PRICKLE2: variants seen among roughly 807,000 people sequenced by gnomAD.
PRICKLE2 encodes the protein prickle planar cell polarity protein 2.
A neutral mutation model predicts 81.4 loss-of-function variants in PRICKLE2; 21 were observed. That is an observed-to-expected ratio of 0.26 (90% CI 0.18 to 0.37). The LOEUF (loss-of-function observed/expected upper bound fraction) is 0.37, where lower values mean the gene tolerates loss of function less well. Ranked by LOEUF, PRICKLE2 falls within the 10% of genes least tolerant of loss-of-function variation. The probability of loss-of-function intolerance (pLI) is 1.00; values close to 1 mark genes in which losing one functional copy is unlikely to be tolerated. For missense variants in PRICKLE2, 940 were observed against 1,109.0 expected (o/e 0.85, Z 2.16); for synonymous variants, 456 against 421.5 (o/e 1.08, Z -1.00).
At chr3:64,205,551 A>G (rs770582228) in intron 1 of PRICKLE2, among the ~76,000 whole-genome samples, 2 of 152,154 alleles carry the variant, frequency 1.3e-5, no homozygotes, top group Non-Finnish European at 2.9e-5. Context: ...GGTTATTTAC[A>G]ACACCGAACC....
At chr3:64,165,384 T>A (rs1171927700) in intron 2 of PRICKLE2, among the ~76,000 whole-genome samples, 1 of 152,216 alleles carries the variant, frequency 6.6e-6, no homozygotes, top group Non-Finnish European at 1.5e-5. Flanking sequence ...TATGTGGCTG[T>A]TCAAAATACT....
In PRICKLE2 at chr3:64,224,988, T is replaced by C. The variant is rs1220171978; in HGVS notation, c.-119A>G. 3.8e-5 allele frequency: 37 copies of C among 985,302 alleles called. No homozygotes were observed. The highest frequency in any genetic ancestry group is 1.2e-6 in the Non-Finnish European group (1 of 830,008). The allele number at this position is 985,302 out of a possible 1,614,324, so 61.0% of individuals were successfully genotyped here. A position where few individuals can be genotyped will look rare whatever the true frequency, so the allele number is the denominator to read the frequency against. ...GAGCTTGTCAATTGTCCCAGTTCAC[T>C]TTCTCCCTGGATCTGACTTCTAAGA... is the stretch of plus-strand genomic sequence containing the variant. On this transcript the variant is annotated 5_prime_UTR_variant, in exon 1 of 8. Transcript: ENST00000638394.
intron 7 of PRICKLE2, among the ~76,000 whole-genome samples, chr3:64,142,744 T>A (rs1006655001): frequency 8.5e-5 from 13 of 152,184 alleles, no homozygotes; most frequent in African/African-American, 3.1e-4. Flanking sequence ...TAATAAAAAG[T>A]CGCAGGTAAC....
At chr3:64,112,433 T>G (rs2076863753) in intron 7 of PRICKLE2, among the ~76,000 whole-genome samples, 1 of 152,162 alleles carries the variant, frequency 6.6e-6, no homozygotes, top group African/African-American at 2.4e-5. Flanking sequence ...CATGACCTCA[T>G]GTACAACAGA....
intron 7 of PRICKLE2, among the ~76,000 whole-genome samples, chr3:64,126,368 C>T (rs926776904): frequency 5.9e-5 from 9 of 152,172 alleles, no homozygotes; most frequent in Non-Finnish European, 1.3e-4. Context: ...TGAGAAACCA[C>T]GGCAGGTAGT....
At chr3:64,190,004 G>T (rs1225451737) in intron 2 of PRICKLE2, among the ~76,000 whole-genome samples, 1 of 152,134 alleles carries the variant, frequency 6.6e-6, no homozygotes. Context: ...AGCACTGCAT[G>T]GGCTCCATTC....
intron 7 of PRICKLE2, among the ~76,000 whole-genome samples, chr3:64,109,638 C>A (rs75848643): frequency 0.049 from 7,493 of 152,278 alleles, 257 homozygotes; most frequent in Non-Finnish European, 0.068. Context: ...CACACTCCCA[C>A]CCCCAGGCTT....
At chr3:64,166,791 G>C (rs67544611) in intron 2 of PRICKLE2, among the ~76,000 whole-genome samples, 1 of 152,050 alleles carries the variant, frequency 6.6e-6, no homozygotes, top group African/African-American at 2.4e-5. Flanking sequence ...TCTGAGGAAG[G>C]AGAATGATTT....
chr3:64,226,104 A>G (rs963417755), upstream of PRICKLE2, among the ~76,000 whole-genome samples: 2 of 152,138 alleles, frequency 1.3e-5, no homozygotes, highest in African/African-American at 4.8e-5. Flanking sequence ...AAACCTTCCC[A>G]GGGCATCTGA....
chr3:64,148,874 C>A (rs573207263), intron 6 of PRICKLE2, among the ~76,000 whole-genome samples: 19 of 152,318 alleles, frequency 1.2e-4, no homozygotes, highest in African/African-American at 4.3e-4. Flanking sequence ...ATTTCTGTTA[C>A]TCAGAGGCCA....
Position 64,094,736 on chromosome 3 carries a change from G to A in PRICKLE2, c.*4315C>T, listed in dbSNP as rs1466578683. 1.3e-5 allele frequency: 2 copies of A among 152,658 alleles called. No homozygotes were observed. Among genetic ancestry groups the A allele is most frequent in the Non-Finnish European group, 2.9e-5 (2 of 68,044 alleles). 9.5% of individuals were successfully genotyped at this position (152,658 alleles called of 1,614,324 possible). A position where few individuals can be genotyped will look rare whatever the true frequency, so the allele number is the denominator to read the frequency against. On this transcript the variant is annotated 3_prime_UTR_variant, in exon 8 of 8. Transcript: ENST00000638394. ...CTCTGGTATCTGCTGAGGCACCAGA[G>A]GGACAAACCACTGGAGACAAGGCAA...
intron 1 of PRICKLE2, among the ~76,000 whole-genome samples, chr3:64,216,052 C>G (rs1287451829): frequency 6.6e-6 from 1 of 152,264 alleles, no homozygotes; most frequent in Non-Finnish European, 1.5e-5. Flanking sequence ...AGGTAACTCT[C>G]TCCTTCTAGC....
intron 2 of PRICKLE2, among the ~76,000 whole-genome samples, chr3:64,249,528 A>G (rs1290152059): frequency 6.6e-6 from 1 of 152,196 alleles, no homozygotes; most frequent in East Asian, 1.9e-4. Flanking sequence ...GCTCAGTACA[A>G]AAGATTAATA....
intron 7 of PRICKLE2, among the ~76,000 whole-genome samples, chr3:64,117,609 A>C (rs566826284): frequency 1.3e-5 from 2 of 152,326 alleles, no homozygotes; most frequent in African/African-American, 4.8e-5. Context: ...CAATTGCCAC[A>C]AAAAGAATAC....
intron 7 of PRICKLE2, among the ~76,000 whole-genome samples, chr3:64,141,382 T>G (rs2077359204): frequency 6.6e-6 from 1 of 152,210 alleles, no homozygotes; most frequent in South Asian, 2.1e-4. Context: ...CTCATAGGGT[T>G]GTTGTGAGGA....
chr3:64,202,869 C>G (rs1283148391), intron 1 of PRICKLE2, among the ~76,000 whole-genome samples: 1 of 152,116 alleles, frequency 6.6e-6, no homozygotes, highest in Non-Finnish European at 1.5e-5. Context: ...AAGCACCAGT[C>G]TTTCAGCATT....
chr3:64,238,800 C>G (rs187165959), intron 2 of PRICKLE2, among the ~76,000 whole-genome samples: 3 of 152,252 alleles, frequency 2.0e-5, no homozygotes, highest in Admixed American at 2.0e-4. Flanking sequence ...GGTAAAATTG[C>G]CAAACATACA....
chr3:64,253,294 A>G (rs2079476549), intron 2 of PRICKLE2, among the ~76,000 whole-genome samples: 1 of 152,206 alleles, frequency 6.6e-6, no homozygotes, highest in Admixed American at 6.5e-5. Flanking sequence ...TCCATTCTAC[A>G]TCATATAACT....
intron 7 of PRICKLE2, among the ~76,000 whole-genome samples, chr3:64,127,777 G>A (rs2077133013): frequency 6.6e-6 from 1 of 151,624 alleles, no homozygotes; most frequent in Non-Finnish European, 1.5e-5. Context: ...GCTAGGCCCC[G>A]ATGCTCAAGA....
Sources: gnomAD v4.1 joint callset for allele counts (sites outside exome capture counted in the v4.1 genomes callset) on GRCh38, gnomAD v4.1.1 for gene constraint, MANE v1.5 for transcripts, NCBI Gene and HGNC (gene_info 2026-07-23, HGNC 2026-07-21) for gene names.